The following OPCML variants were observed in gnomAD, a reference collection of about 807,000 sequenced individuals.
OPCML encodes the protein opioid binding protein/cell adhesion molecule like, also known as opioid-binding protein/cell adhesion molecule.
OPCML carries 13 observed loss-of-function variants against 37.8 expected under a neutral mutation model. The ratio of observed to expected loss-of-function variants is 0.34; its 90% CI spans 0.22 to 0.55. The LOEUF is 0.55. OPCML is among the 20% of genes least tolerant of loss of function. OPCML has a pLI of 0.91. For missense variants in OPCML, 341 were observed against 435.6 expected, an observed-to-expected ratio of 0.78 and a Z score of 1.93; for synonymous variants, 176 against 168.8, an observed-to-expected ratio of 1.04 and a Z score of -0.33.
intron 2 of OPCML, among the ~76,000 whole-genome samples, chr11:132,754,339 A>G (rs1336928894): frequency 1.3e-5 from 2 of 152,152 alleles, no homozygotes; most frequent in African/African-American, 4.8e-5. Context: ...TGCTATTCTC[A>G]TGATAATGAA....
intron 1 of OPCML, among the ~76,000 whole-genome samples, chr11:133,217,896 G>T (rs1487688002): frequency 1.3e-5 from 2 of 152,010 alleles, no homozygotes; most frequent in African/African-American, 2.4e-5. Flanking sequence ...ATTTTGAAAG[G>T]TTAGCTTGGT....
chr11:133,371,007 A>G (rs1270812483), intron 1 of OPCML, among the ~76,000 whole-genome samples: 4 of 152,236 alleles, frequency 2.6e-5, no homozygotes, highest in Non-Finnish European at 5.9e-5. Flanking sequence ...AAAGTGGACA[A>G]AGGACATGAA....
intron 2 of OPCML, among the ~76,000 whole-genome samples, chr11:132,661,771 C>T (rs532740541): frequency 6.6e-6 from 1 of 152,324 alleles, no homozygotes; most frequent in Admixed American, 6.5e-5. Flanking sequence ...TTATATATTG[C>T]TTGTACTGCA....
intron 3 of OPCML, among the ~76,000 whole-genome samples, chr11:132,547,192 A>G (rs1201300430): frequency 6.6e-6 from 1 of 152,184 alleles, no homozygotes; most frequent in Non-Finnish European, 1.5e-5. Context: ...TTGATGAAAT[A>G]CCTTCTTCCC....
chr11:132,801,215 T>C (rs1033532965), intron 2 of OPCML, among the ~76,000 whole-genome samples: 5 of 152,210 alleles, frequency 3.3e-5, no homozygotes, highest in Non-Finnish European at 7.3e-5. Context: ...TCCTGTTATT[T>C]CTGTAAGGTA....
intron 4 of OPCML, among the ~76,000 whole-genome samples, chr11:132,446,593 A>T (rs907475792): frequency 3.3e-5 from 5 of 152,210 alleles, no homozygotes; most frequent in Non-Finnish European, 7.3e-5. Flanking sequence ...TAAACAGCTA[A>T]GTTATTGACA....
intron 1 of OPCML, among the ~76,000 whole-genome samples, chr11:133,057,976 C>T (rs1302182804): frequency 1.3e-5 from 2 of 152,158 alleles, no homozygotes; most frequent in Admixed American, 6.5e-5. Context: ...TTTACTAGTG[C>T]GTTATCTGCC....
intron 3 of OPCML, among the ~76,000 whole-genome samples, chr11:132,618,324 G>A (rs1939163730): frequency 6.6e-6 from 1 of 152,066 alleles, no homozygotes; most frequent in Admixed American, 6.5e-5. Flanking sequence ...GGCCAACATG[G>A]TGAAACCCCA....
In OPCML at chr11:132,840,869, C is replaced by A. The variant is rs184071168; in HGVS notation, c.146+102057G>T. Among the ~76,000 whole-genome samples, 20 of 152,064 alleles carry A rather than the reference C, an allele frequency of 1.3e-4. No homozygotes were observed. In the East Asian group the frequency reaches 3.9e-3, roughly 30 times the overall value. On this transcript the variant is annotated intron_variant, in intron 2 of 7. Transcript: ENST00000524381. ...AAAAACCCCACACAGCAGCGCCAGG[C>A]CAGGAAGGGAAGAACGTAGTGAGAG...
intron 4 of OPCML, among the ~76,000 whole-genome samples, chr11:132,469,778 AG>A (rs1464161204): frequency 1.1e-3 from 18 of 16,084 alleles, no homozygotes; most frequent in African/African-American, 2.3e-3. Flanking sequence ...GTATGTGTGG[AG>A]GGGTGTGTGT....
chr11:133,136,105 CT>C (rs1219461155), intron 1 of OPCML, among the ~76,000 whole-genome samples: 1 of 152,166 alleles, frequency 6.6e-6, no homozygotes, highest in Non-Finnish European at 1.5e-5. Flanking sequence ...TTTGCAGATG[CT>C]CAGGGATGTA....
chr11:133,286,470 CAAAAAAAA>C (rs60645863), intron 1 of OPCML, among the ~76,000 whole-genome samples: 3 of 51,308 alleles, frequency 5.8e-5, no homozygotes, highest in Non-Finnish European at 1.1e-4. Flanking sequence ...CTGTGTCTCA[CAAAAAAAA>C]AAAAAAAAAA....
At position 132,778,398 on chromosome 11, in the gene OPCML, C is replaced by T. The variant is rs150108901; in HGVS notation, c.147-121079G>A. ...TTCATCATCTACATGGCAGTTGGTA[C>T]GATACTAAGAGACATGGAAGATTAA... On this transcript the variant is annotated intron_variant, in intron 2 of 7. Transcript: ENST00000524381. Among the ~76,000 whole-genome samples, 361 of 152,058 alleles carry T rather than the reference C, an allele frequency of 2.4e-3. 1 individual carries two copies. The highest frequency in any genetic ancestry group is 8.3e-3 in the African/African-American group (344 of 41,462).
At chr11:132,713,553 T>C (rs536026393) in intron 2 of OPCML, among the ~76,000 whole-genome samples, 1 of 152,328 alleles carries the variant, frequency 6.6e-6, no homozygotes, top group Non-Finnish European at 1.5e-5. Flanking sequence ...AGTTTTAAAT[T>C]TCCTATCCTA....
intron 1 of OPCML, among the ~76,000 whole-genome samples, chr11:133,057,261 T>C (rs1948257138): frequency 6.6e-6 from 1 of 152,212 alleles, no homozygotes; most frequent in East Asian, 1.9e-4. Context: ...AGGGAATACC[T>C]CTTACATAAC....
chr11:132,919,881 A>G (rs980973309), intron 2 of OPCML, among the ~76,000 whole-genome samples: 2 of 152,248 alleles, frequency 1.3e-5, no homozygotes, highest in Non-Finnish European at 2.9e-5. Context: ...AATAAAAGAC[A>G]AGTTAAAAGC....
chr11:132,751,046 T>A (rs541608104), intron 2 of OPCML, among the ~76,000 whole-genome samples: 55 of 152,178 alleles, frequency 3.6e-4, no homozygotes, highest in Middle Eastern at 3.2e-3. Context: ...TGGTGTCTCT[T>A]CAAAATGTGA....
intron 4 of OPCML, among the ~76,000 whole-genome samples, chr11:132,482,097 CA>C (rs1204659361): frequency 2.0e-5 from 3 of 149,446 alleles, no homozygotes; most frequent in African/African-American, 7.4e-5. Context: ...AATAGAGACA[CA>C]AAAAACCCTT....
At chr11:132,841,352 T>C (rs1406235667) in intron 2 of OPCML, among the ~76,000 whole-genome samples, 1 of 152,150 alleles carries the variant, frequency 6.6e-6, no homozygotes, top group Non-Finnish European at 1.5e-5. Flanking sequence ...CAAAGTCTAA[T>C]TGAGGAGCAG....
Sources: allele counts gnomAD v4.1 joint callset (sites outside exome capture counted in the v4.1 genomes callset), GRCh38; gene constraint gnomAD v4.1.1; transcripts MANE v1.5; gene names NCBI Gene and HGNC (gene_info 2026-07-23, HGNC 2026-07-21).